Variants in ADGRG4 observed in about 807,000 individuals in gnomAD.
The protein encoded by ADGRG4 is G protein-coupled receptor 112.
ADGRG4 carries 122 observed loss-of-function variants against 126.2 expected under a neutral mutation model. The ratio of observed to expected loss-of-function variants is 0.97; its 90% CI spans 0.83 to 1.12. The LOEUF is 1.12. Among genes scored for constraint, ADGRG4 ranks in the 50% most tolerant of loss-of-function variants. The pLI, the probability that ADGRG4 is intolerant of heterozygous loss-of-function variation, is 0.00. For missense variants in ADGRG4, 2,481 were observed against 2,251.8 expected (o/e 1.10, Z -2.06); for synonymous variants, 943 against 838.7 (o/e 1.12, Z -2.15).
At chrX:136,310,225 G>A (rs2074759849) in intron 4 of ADGRG4, among the ~76,000 whole-genome samples, 1 of 110,367 alleles carries the variant, frequency 9.1e-6, no homozygotes, top group South Asian at 3.9e-4. Context: ...TTGGCTCACT[G>A]CAACTTCTGC....
intron 8 of ADGRG4, among the ~76,000 whole-genome samples, chrX:136,353,964 TC>T (rs959439131): frequency 3.6e-5 from 4 of 111,492 alleles, no homozygotes; most frequent in African/African-American, 1.3e-4. Flanking sequence ...CTGTATTCTT[TC>T]GCTGCACATA....
chrX:136,400,184 A>C (rs1302437452), intron 21 of ADGRG4, 68 bp downstream of exon 21: 13 of 885,245 alleles, frequency 1.5e-5, no homozygotes, highest in Non-Finnish European at 2.1e-5. Flanking sequence ...TAGCTCTGTT[A>C]GATTCTGTTA....
chrX:136,317,499 C>CAAAAAAAA (rs35736381), intron 4 of ADGRG4, among the ~76,000 whole-genome samples: 45 of 40,443 alleles, frequency 1.1e-3, no homozygotes, highest in African/African-American at 1.4e-3. Flanking sequence ...GACTCCATCT[C>CAAAAAAAA]AAAAAAAAAA....
At chrX:136,356,204 C>T (rs1382503397) in intron 9 of ADGRG4, 39 bp downstream of exon 9, 3 of 960,647 alleles carry the variant, frequency 3.1e-6, no homozygotes, top group South Asian at 5.0e-5. Context: ...TGTGACCTAT[C>T]CTATGCCTGA....
At chrX:136,311,929 T>A in intron 4 of ADGRG4, among the ~76,000 whole-genome samples, 1 of 111,381 alleles carries the variant, frequency 9.0e-6, no homozygotes, top group Admixed American at 9.6e-5. Flanking sequence ...ACTCCTGAGC[T>A]CAAGTGGTCC....
chrX:136,392,259 A>G lies in ADGRG4; in HGVS notation c.7939A>G (p.Thr2647Ala). 8.6e-7 allele frequency: 1 copy of G among 1,162,136 alleles called. No homozygotes were observed. The highest frequency in any genetic ancestry group is 1.1e-6 in the Non-Finnish European group (1 of 870,825). The change falls in exon 17 of 26, where the codon ACC becomes GCC. Residue 2647 changes from threonine (T) to alanine (A), a missense_variant. Transcript: ENST00000394143. ...KTKNVTKALT[T>A]YVVSASISDD... ...CAAAAATGTCACTAAAGCATTAACC[A>G]CCTATGTTGTGAGTGCCAGCATTTC...
intron 10 of ADGRG4, among the ~76,000 whole-genome samples, chrX:136,358,302 G>A (rs2075107021): frequency 9.0e-6 from 1 of 111,330 alleles, no homozygotes; most frequent in African/African-American, 3.3e-5. Flanking sequence ...GCTGAGAAGA[G>A]CTAGGCTCCA....
chrX:136,416,644 C>T lies in ADGRG4; in HGVS notation c.*153C>T. On this transcript the variant is annotated 3_prime_UTR_variant, in exon 26 of 26. Coordinates refer to ENST00000394143, the MANE Select transcript of ADGRG4 (RefSeq NM_153834.4). Reference sequence around the variant, plus strand: ...CTCATGTAACCAAATGCTACCTGTTCCACCAAAACCTATGGAAATTTAAAA... The same window carrying T: ...CTCATGTAACCAAATGCTACCTGTTTCACCAAAACCTATGGAAATTTAAAA... 2.9e-6 allele frequency: 1 copy of T among 343,369 alleles called. No individual in the cohort carries two copies. The highest frequency in any genetic ancestry group is 5.1e-6 in the Non-Finnish European group (1 of 197,294). The allele number at this position is 343,369 out of a possible 1,213,427, so 28.3% of individuals were successfully genotyped here.
Position 136,348,657 on chromosome X carries a change from C to A in ADGRG4, c.4951C>A (p.Pro1651Thr). 8.3e-7 allele frequency: 1 copy of A among 1,209,992 alleles called. No individual in the cohort carries two copies. Among genetic ancestry groups the A allele is most frequent in the Non-Finnish European group, 1.1e-6 (1 of 894,474 alleles). Residue 1651 changes from proline to threonine, a missense_variant, in exon 6 of 26, where the codon CCA (proline) becomes ACA (threonine). Pro to Thr is a conservative substitution (Grantham distance 38). Transcript: ENST00000394143. ...TPTTFLSPTE[P>T]TLPFVKTVPT... is the part of the protein sequence containing the mutation. ...TACGACCTTTCTCTCTCCAACAGAG[C>A]CAACTTTGCCCTTTGTAAAAACCGT...
At chrX:136,416,397 C>A (rs890500649) in intron 25 of ADGRG4, 57 bp from the exon 26 acceptor site, 10 of 975,334 alleles carry the variant, frequency 1.0e-5, no homozygotes, top group African/African-American at 5.8e-5. Flanking sequence ...TATGCTTCTA[C>A]TATGTGCAAA....
intron 15 of ADGRG4, among the ~76,000 whole-genome samples, chrX:136,374,533 G>A (rs1294771363): frequency 4.5e-5 from 5 of 110,910 alleles, no homozygotes; most frequent in Non-Finnish European, 7.6e-5. Context: ...AGATTCAAGC[G>A]ATTCTCCTGC....
At chrX:136,354,895 G>A (rs756583447) in intron 8 of ADGRG4, among the ~76,000 whole-genome samples, 1 of 111,677 alleles carries the variant, frequency 9.0e-6, no homozygotes, top group African/African-American at 3.2e-5. Context: ...CACCCTCCAG[G>A]AACCTCCATG....
chrX:136,362,323 C>T (rs971495403), intron 12 of ADGRG4, among the ~76,000 whole-genome samples: 5 of 110,654 alleles, frequency 4.5e-5, no homozygotes, highest in Non-Finnish European at 9.5e-5. Flanking sequence ...TAGTCAGAGC[C>T]CACATCTAGC....
At chrX:136,307,198 C>A (rs374140259) in intron 3 of ADGRG4, among the ~76,000 whole-genome samples, 2 of 112,416 alleles carry the variant, frequency 1.8e-5, no homozygotes. Flanking sequence ...GCAATCATAT[C>A]CATTTCTATA....
At chrX:136,379,705 C>T (rs1417191779) in intron 15 of ADGRG4, among the ~76,000 whole-genome samples, 1 of 110,502 alleles carries the variant, frequency 9.0e-6, no homozygotes, top group Non-Finnish European at 1.9e-5. Context: ...GTCTGCAGAA[C>T]GTTGTTCATC....
At chrX:136,392,200 G>A (rs985031162) in intron 16 of ADGRG4, 32 bp from the exon 17 acceptor site, 4 of 1,115,215 alleles carry the variant, frequency 3.6e-6, no homozygotes, top group Admixed American at 2.7e-5. Flanking sequence ...TAGAAATTTA[G>A]GTCCTGAACT....
intron 8 of ADGRG4, 66 bp downstream of exon 8, chrX:136,353,467 T>C (rs1252023450): frequency 5.2e-5 from 37 of 710,893 alleles, no homozygotes; most frequent in Non-Finnish European, 8.0e-5. Flanking sequence ...TGTTCCTATC[T>C]GGAGGGGATG....
At chrX:136,396,587 C>T (rs1481725644) in intron 19 of ADGRG4, among the ~76,000 whole-genome samples, 2 of 93,955 alleles carry the variant, frequency 2.1e-5, no homozygotes, top group Middle Eastern at 5.3e-3. Context: ...AGAGTGAGAA[C>T]CTGTCCCAAA....
At chrX:136,342,153 A>C (rs1410687154) in intron 5 of ADGRG4, among the ~76,000 whole-genome samples, 1 of 111,761 alleles carries the variant, frequency 8.9e-6, no homozygotes, top group African/African-American at 3.3e-5. Context: ...TATTATCACT[A>C]TTCTCCGAGT....
Sources: gnomAD v4.1 joint callset for allele counts (sites outside exome capture counted in the v4.1 genomes callset) on GRCh38, gnomAD v4.1.1 for gene constraint, MANE v1.5 for transcripts, NCBI Gene and HGNC (gene_info 2026-07-23, HGNC 2026-07-21) for gene names.